Variants in NAV2 observed in about 807,000 individuals in gnomAD.
The protein encoded by NAV2 is neuron navigator 2.
A neutral mutation model predicts 223.2 loss-of-function variants in NAV2; 54 were observed. That is an observed-to-expected ratio of 0.24 (90% CI 0.19 to 0.30). The LOEUF is 0.30. Among genes scored for constraint, NAV2 ranks in the 10% least tolerant of loss-of-function variants. The pLI, the probability that NAV2 is intolerant of heterozygous loss-of-function variation, is 1.00. For synonymous variants in NAV2, 1,279 were observed against 1,239.3 expected, an observed-to-expected ratio of 1.03 and a Z score of -0.67; for missense variants, 2,806 against 3,147.5, an observed-to-expected ratio of 0.89 and a Z score of 2.60.
chr11:19,902,992 C>G (rs2042574663), intron 6 of NAV2, among the ~76,000 whole-genome samples: 1 of 152,186 alleles, frequency 6.6e-6, no homozygotes, highest in African/African-American at 2.4e-5. Context: ...GTAGCTGCAA[C>G]TACTTACTGA....
At chr11:19,927,269 G>A (rs903544609) in intron 6 of NAV2, among the ~76,000 whole-genome samples, 1 of 152,218 alleles carries the variant, frequency 6.6e-6, no homozygotes, top group African/African-American at 2.4e-5. Flanking sequence ...GCAAGGCACA[G>A]CCCACTAGTG....
chr11:19,465,651 G>A (rs759533860), intron 1 of NAV2, among the ~76,000 whole-genome samples: 7 of 152,206 alleles, frequency 4.6e-5, no homozygotes, highest in Non-Finnish European at 8.8e-5. Flanking sequence ...CTGTAAGGAT[G>A]AAAGATGATA....
At chr11:19,633,715 T>C (rs1171809271) in intron 1 of NAV2, among the ~76,000 whole-genome samples, 1 of 152,246 alleles carries the variant, frequency 6.6e-6, no homozygotes, top group Non-Finnish European at 1.5e-5. Flanking sequence ...GCAGGCCTCC[T>C]ATCTCTGCAG....
intron 1 of NAV2, among the ~76,000 whole-genome samples, chr11:19,741,388 G>C (rs547391196): frequency 2.8e-4 from 42 of 151,320 alleles, no homozygotes; most frequent in African/African-American, 1.0e-3. Flanking sequence ...CTTCAACTTT[G>C]TCCCCTTTGT....
At chr11:19,860,838 G>A (rs1488486152) in intron 3 of NAV2, among the ~76,000 whole-genome samples, 2 of 151,906 alleles carry the variant, frequency 1.3e-5, no homozygotes, top group African/African-American at 4.8e-5. Context: ...AGACCAGCCC[G>A]GCCAACACAG....
intron 1 of NAV2, among the ~76,000 whole-genome samples, chr11:19,438,495 A>G (rs182674813): frequency 6.6e-6 from 1 of 152,262 alleles, no homozygotes; most frequent in East Asian, 1.9e-4. Context: ...TAACACTTCT[A>G]ACACCAAATG....
rs1461165613 is a variant in NAV2, at chr11:20,107,921, T to G, written c.6960+139T>G. ...CTCACCTGGGAGTTCATCAGTGTAG[T>G]CCAGTGTAGGGACACACCTGGCTGC... On this transcript the variant is annotated intron_variant, in intron 36 of 37. Transcript: ENST00000349880. 8.8e-6 allele frequency: 6 copies of G among 681,096 alleles called. No individual in the cohort carries two copies. In the African/African-American group the frequency reaches 1.1e-4, roughly 12 times the overall value. The allele number at this position is 681,096 out of a possible 1,614,324, so 42.2% of individuals were successfully genotyped here.
At chr11:19,468,244 T>G (rs1852438858) in intron 1 of NAV2, among the ~76,000 whole-genome samples, 1 of 152,186 alleles carries the variant, frequency 6.6e-6, no homozygotes, top group African/African-American at 2.4e-5. Flanking sequence ...TTTAAATGCC[T>G]AGAGTTGTAT....
intron 1 of NAV2, among the ~76,000 whole-genome samples, chr11:19,727,288 C>A (rs2051335050): frequency 6.6e-6 from 1 of 152,142 alleles, no homozygotes; most frequent in Non-Finnish European, 1.5e-5. Context: ...TCCATCCAGC[C>A]CGTCTCACAA....
intron 1 of NAV2, among the ~76,000 whole-genome samples, chr11:19,564,240 C>T (rs548039143): frequency 2.2e-4 from 33 of 152,140 alleles, no homozygotes; most frequent in Non-Finnish European, 4.0e-4. Flanking sequence ...GCTGGTGATC[C>T]TTGAGGGTGG....
intron 6 of NAV2, among the ~76,000 whole-genome samples, chr11:19,905,931 A>T (rs749132644): frequency 1.3e-5 from 2 of 152,120 alleles, no homozygotes; most frequent in Admixed American, 6.6e-5. Context: ...TCTCACCTTG[A>T]TAAGTTTGGT....
chr11:19,744,677 T>C (rs1202849189), intron 1 of NAV2, among the ~76,000 whole-genome samples: 1 of 152,242 alleles, frequency 6.6e-6, no homozygotes, highest in Non-Finnish European at 1.5e-5. Context: ...GAACAGTTTC[T>C]TGTGCATCAT....
At position 19,436,872 on chromosome 11, in the gene NAV2, T is replaced by C. The variant is rs545216834; in HGVS notation, c.75+85845T>C. ...ATAGGATTGTTTTCATAATTTCTTTTTTCAAATAGTTCATTGTTAGTGTAT... is the reference window on the plus strand; with the variant it reads ...ATAGGATTGTTTTCATAATTTCTTTCTTCAAATAGTTCATTGTTAGTGTAT... On this transcript the variant is annotated intron_variant, in intron 1 of 37. Coordinates refer to the NAV2 transcript ENST00000360655. Among the ~76,000 whole-genome samples the C allele has an allele frequency of 2.1e-3, 315 of 152,302 alleles. 5 individuals carry two copies. In the South Asian group the frequency reaches 0.032, roughly 15 times the overall value.
At chr11:19,685,720 A>T (rs982634284) in intron 1 of NAV2, among the ~76,000 whole-genome samples, 8 of 152,158 alleles carry the variant, frequency 5.3e-5, no homozygotes, top group African/African-American at 1.9e-4. Flanking sequence ...TTTTAAGTTG[A>T]TGAGTGATAT....
At chr11:19,419,236 A>G (rs1371408815) in intron 1 of NAV2, among the ~76,000 whole-genome samples, 4 of 152,176 alleles carry the variant, frequency 2.6e-5, no homozygotes, top group Non-Finnish European at 5.9e-5. Context: ...GCTGTTTCAC[A>G]ATTATTTGCT....
chr11:19,957,312 T>A (rs547501275), intron 10 of NAV2, among the ~76,000 whole-genome samples: 21 of 152,338 alleles, frequency 1.4e-4, no homozygotes, highest in Middle Eastern at 3.4e-3. Context: ...ATAAATACTT[T>A]TCCCTGTCTG....
chr11:19,933,868 T>G lies in NAV2; in HGVS notation c.1624T>G (p.Phe542Val). 1.2e-6 allele frequency: 2 copies of G among 1,602,882 alleles called. No homozygotes were observed. Among genetic ancestry groups the G allele is most frequent in the Non-Finnish European group, 1.7e-6 (2 of 1,176,264 alleles). ...AAAAAAGTCCTCCAAGATTGCCAGC[T>G]TCATCCCCAAAGGGGGGAAGCTCAA... Reference protein sequence around the residue: ...MPKKSSKIASFIPKGGKLNSA... With the variant: ...MPKKSSKIASVIPKGGKLNSA... The change falls in exon 7 of 38, where the codon TTC becomes GTC. Residue 542 changes from phenylalanine to valine, a missense_variant. This residue lies in a region of NAV2 where 1,167 missense variants were observed against 1,180.5 expected (regional missense o/e 0.99). Coordinates refer to ENST00000349880, the MANE Select transcript of NAV2 (RefSeq NM_145117.5). The surrounding 1 kb of genome is among the most constrained non-coding windows in gnomAD (Gnocchi z 4.3).
At position 19,713,322 on chromosome 11, in the gene NAV2, GA is replaced by G; in HGVS notation, c.-373del. The stretch of plus-strand genomic sequence containing the variant: ...TCCAAAGGGGCCTCCTCACTTCGGA[GA>G]TGCAGTGACAAGTTAATATGGGCGT... On this transcript the variant is annotated 5_prime_UTR_variant, in exon 1 of 38. The change abolishes an upstream ATG in the 5' untranslated region. Coordinates refer to ENST00000349880, the MANE Select transcript of NAV2 (RefSeq NM_145117.5). The surrounding 1 kb of genome is among the most constrained non-coding windows in gnomAD (Gnocchi z 7.2). The G allele has an allele frequency of 9.3e-7, 1 of 1,069,746 alleles. No homozygotes were observed. The highest frequency in any genetic ancestry group is 1.1e-6 in the Non-Finnish European group (1 of 885,824). 66.3% of individuals were successfully genotyped at this position (1,069,746 alleles called of 1,614,324 possible).
intron 1 of NAV2, among the ~76,000 whole-genome samples, chr11:19,541,443 G>A (rs1202307512): frequency 1.3e-5 from 2 of 152,242 alleles, no homozygotes; most frequent in East Asian, 3.8e-4. Flanking sequence ...ATAGATGAAG[G>A]CGTTGGGCCA....
Sources: allele counts gnomAD v4.1 joint callset (sites outside exome capture counted in the v4.1 genomes callset), GRCh38; gene constraint gnomAD v4.1.1; regional missense constraint gnomAD v4.1.1; non-coding constraint Gnocchi (gnomAD v3.1); transcripts MANE v1.5; gene names NCBI Gene and HGNC (gene_info 2026-07-23, HGNC 2026-07-21).